Variants in GALNT13 observed in about 807,000 individuals in gnomAD.
The protein encoded by GALNT13 is UDP-GalNAc:polypeptide N-acetylgalactosaminyltransferase 13.
Under a neutral mutation model 64.2 loss-of-function variants are expected in GALNT13, and 28 were observed. The ratio of observed to expected loss-of-function variants is 0.44; its 90% CI spans 0.32 to 0.60. The LOEUF (loss-of-function observed/expected upper bound fraction) is 0.60, where lower values mean the gene tolerates loss of function less well. Among genes scored for constraint, GALNT13 ranks in the 20% least tolerant of loss-of-function variants. The probability of loss-of-function intolerance (pLI) is 0.05; values close to 1 mark genes in which losing one functional copy is unlikely to be tolerated. For synonymous variants in GALNT13, 214 were observed against 224.6 expected, an observed-to-expected ratio of 0.95 and a Z score of 0.42; for missense variants, 577 against 669.8, an observed-to-expected ratio of 0.86 and a Z score of 1.53.
chr2:154,287,331 G>T (rs1574021490), intron 8 of GALNT13: 1 of 610,214 alleles, frequency 1.6e-6, no homozygotes, highest in East Asian at 3.1e-5. Context: ...TGTGTAAGTT[G>T]GAAGCAGCGA....
At chr2:153,923,662 G>T (rs1234769884) in intron 2 of GALNT13, among the ~76,000 whole-genome samples, 1 of 151,674 alleles carries the variant, frequency 6.6e-6, no homozygotes, top group African/African-American at 2.4e-5. Flanking sequence ...TTTACATTAG[G>T]TATATCTCCT....
At chr2:153,276,459 T>C in the GALNT13 span, among the ~76,000 whole-genome samples, 1 of 152,086 alleles carries the variant, frequency 6.6e-6, no homozygotes, top group African/African-American at 2.4e-5. Flanking sequence ...GATCTAATTA[T>C]ATGTTTTCTA....
At chr2:154,385,878 T>G (rs1316548047) in intron 9 of GALNT13, among the ~76,000 whole-genome samples, 1 of 152,014 alleles carries the variant, frequency 6.6e-6, no homozygotes, top group Non-Finnish European at 1.5e-5. Flanking sequence ...TTGTCAGATA[T>G]AGGAAGTCAG....
the GALNT13 span, among the ~76,000 whole-genome samples, chr2:153,648,053 G>C: frequency 6.6e-6 from 1 of 152,074 alleles, no homozygotes; most frequent in Non-Finnish European, 1.5e-5. Flanking sequence ...AAATTACCTT[G>C]GGAGCTATGG....
intron 4 of GALNT13, among the ~76,000 whole-genome samples, chr2:154,154,362 G>T (rs1684272897): frequency 6.6e-6 from 1 of 152,180 alleles, no homozygotes; most frequent in Admixed American, 6.5e-5. Context: ...TTAGAAAGTT[G>T]TTAACTATCC....
chr2:154,023,622 C>G (rs372474047), intron 3 of GALNT13, among the ~76,000 whole-genome samples: 2 of 152,172 alleles, frequency 1.3e-5, no homozygotes, highest in African/African-American at 4.8e-5. Context: ...GAATACAGCA[C>G]ACTGATGGGT....
the GALNT13 span, among the ~76,000 whole-genome samples, chr2:153,525,565 T>C: frequency 4.6e-5 from 7 of 152,248 alleles, no homozygotes; most frequent in South Asian, 1.4e-3. Context: ...TGATTTTCAC[T>C]GAAGTGTGAA....
rs1416068373 is a variant in GALNT13, at chr2:153,876,218, C to CACACACACACACACACACACAT, written c.-177+3932_-177+3933insCACATACACACACACACACACA. Among the ~76,000 whole-genome samples, 3 of 151,822 alleles carry CACACACACACACACACACACAT rather than the reference C, an allele frequency of 2.0e-5. No homozygotes were observed. The East Asian group carries it at 5.8e-4, about 29-fold the overall frequency. On this transcript the variant is annotated intron_variant, in intron 1 of 12. Transcript: ENST00000392825. ...CCCCCACACTACACACACACACACA[C>CACACACACACACACACACACAT]ACACACACACACACACATACACACA...
the GALNT13 span, among the ~76,000 whole-genome samples, chr2:153,129,724 C>G: frequency 6.6e-6 from 1 of 151,634 alleles, no homozygotes; most frequent in Non-Finnish European, 1.5e-5. Flanking sequence ...GAGCCAAGAT[C>G]GTGCCACTGC....
At chr2:154,133,580 A>ATATATATATC in intron 3 of GALNT13, among the ~76,000 whole-genome samples, 1 of 123,576 alleles carries the variant, frequency 8.1e-6, no homozygotes, top group African/African-American at 3.5e-5. Context: ...ATATATATAT[A>ATATATATATC]TATATCTGAG....
chr2:153,170,442 A>G, the GALNT13 span, among the ~76,000 whole-genome samples: 425 of 152,332 alleles, frequency 2.8e-3, no homozygotes, highest in African/African-American at 9.1e-3. Context: ...AACCTAAAGT[A>G]ATTATAAGAA....
intron 3 of GALNT13, among the ~76,000 whole-genome samples, chr2:153,969,594 A>G (rs774475813): frequency 1.1e-4 from 17 of 152,174 alleles, no homozygotes; most frequent in Non-Finnish European, 1.6e-4. Context: ...GTCTGAATTT[A>G]TATTTAGGAC....
the GALNT13 span, among the ~76,000 whole-genome samples, chr2:153,648,373 G>T: frequency 3.3e-5 from 5 of 152,188 alleles, no homozygotes; most frequent in South Asian, 4.1e-4. Context: ...GGGCTGAGAC[G>T]ATGGCATTTT....
At chr2:153,628,048 T>TTGAAGCG in the GALNT13 span, among the ~76,000 whole-genome samples, 1 of 152,166 alleles carries the variant, frequency 6.6e-6, no homozygotes, top group Non-Finnish European at 1.5e-5. Context: ...GTAGTTCTCC[T>TTGAAGCG]TGAAGCGGTC....
At chr2:153,395,664 C>T in the GALNT13 span, among the ~76,000 whole-genome samples, 1 of 152,070 alleles carries the variant, frequency 6.6e-6, no homozygotes, top group African/African-American at 2.4e-5. Flanking sequence ...GACAAGTAGG[C>T]TTGAATCTTC....
the GALNT13 span, among the ~76,000 whole-genome samples, chr2:153,359,630 C>CAAAAAAAAAAAA: frequency 2.1e-3 from 80 of 38,242 alleles, 6 homozygotes; most frequent in African/African-American, 2.3e-3. Context: ...CAGCTTTCAG[C>CAAAAAAAAAAAA]AAAAAAAAAA....
the GALNT13 span, among the ~76,000 whole-genome samples, chr2:153,818,766 G>A: frequency 1.3e-5 from 2 of 152,134 alleles, no homozygotes; most frequent in East Asian, 3.9e-4. Context: ...CCCCAGTAAA[G>A]GCCCACAGCA....
chr2:153,340,399 G>C, the GALNT13 span, among the ~76,000 whole-genome samples: 1 of 151,024 alleles, frequency 6.6e-6, no homozygotes, highest in Non-Finnish European at 1.5e-5. Context: ...GCTCACGCCT[G>C]TAATCCCAGC....
chr2:153,519,602 A>G, the GALNT13 span, among the ~76,000 whole-genome samples: 13 of 152,298 alleles, frequency 8.5e-5, no homozygotes, highest in Admixed American at 5.2e-4. Flanking sequence ...TTCTTCTTCA[A>G]TCAGTTGACA....
Sources: gnomAD v4.1 joint callset for allele counts (sites outside exome capture counted in the v4.1 genomes callset) on GRCh38, gnomAD v4.1.1 for gene constraint, MANE v1.5 for transcripts, NCBI Gene and HGNC (gene_info 2026-07-23, HGNC 2026-07-21) for gene names.